Variants in FOXP1 observed in about 807,000 individuals in gnomAD.
FOXP1 encodes forkhead box P1.
In FOXP1, 15 loss-of-function variants were observed where a neutral mutation model predicts 98.2. The observed-to-expected ratio is 0.15, with a 90% confidence interval of 0.10 to 0.24. The LOEUF (loss-of-function observed/expected upper bound fraction) is 0.24. Among genes scored for constraint, FOXP1 ranks in the 10% least tolerant of loss-of-function variants. The probability of loss-of-function intolerance (pLI) is 1.00; values close to 1 mark genes in which losing one functional copy is unlikely to be tolerated. For synonymous variants in FOXP1, 371 were observed against 314.5 expected (o/e 1.18, Z -1.90); for missense variants, 633 against 848.5 (o/e 0.75, Z 3.15).
At chr3:70,992,847 C>CTCTCTTCTTT (rs1358200735) in intron 13 of FOXP1, among the ~76,000 whole-genome samples, 1 of 152,126 alleles carries the variant, frequency 6.6e-6, no homozygotes, top group African/African-American at 2.4e-5. Context: ...CAGAGACTCT[C>CTCTCTTCTTT]TCTCTTCTTT....
At chr3:71,190,823 G>A (rs1023656228) in intron 6 of FOXP1, among the ~76,000 whole-genome samples, 1 of 152,012 alleles carries the variant, frequency 6.6e-6, no homozygotes, top group Non-Finnish European at 1.5e-5. Context: ...AGATAATGTG[G>A]CTCTATTTTT....
chr3:71,397,025 CAT>C lies in FOXP1; in HGVS notation c.-167-37783_-167-37782del, dbSNP rs1553871547. On this transcript the variant is annotated intron_variant, in intron 3 of 20. Transcript: ENST00000649528. ...ATATATGTGTATATATATATATATA[CAT>C]ATATATGTGTATATATATATACACA... 1.2e-3 allele frequency among the ~76,000 whole-genome samples: 20 copies of C among 17,032 alleles called. 3 individuals carry two copies. Among genetic ancestry groups the C allele is most frequent in the South Asian group, 5.4e-3 (4 of 736 alleles). 11.2% of individuals were successfully genotyped at this position (17,032 alleles called of 152,430 possible). A position where few individuals can be genotyped will look rare whatever the true frequency, so the allele number is the denominator to read the frequency against.
chr3:71,337,587 A>G (rs1290601977), intron 4 of FOXP1, among the ~76,000 whole-genome samples: 2 of 152,232 alleles, frequency 1.3e-5, no homozygotes, highest in African/African-American at 4.8e-5. Flanking sequence ...AATATTGGCT[A>G]TTCTTTGAAG....
chr3:71,125,104 G>A (rs894749866), intron 6 of FOXP1, among the ~76,000 whole-genome samples: 2 of 152,178 alleles, frequency 1.3e-5, no homozygotes, highest in African/African-American at 2.4e-5. Flanking sequence ...ATTCACCCAT[G>A]CCTTGCCAAT....
chr3:71,280,961 C>T (rs1163350928), intron 5 of FOXP1, among the ~76,000 whole-genome samples: 3 of 146,546 alleles, frequency 2.0e-5, no homozygotes, highest in Non-Finnish European at 4.4e-5. Context: ...TGAAGATATA[C>T]GAAGCAGCCC....
intron 7 of FOXP1, among the ~76,000 whole-genome samples, chr3:71,065,147 T>A (rs1335542353): frequency 1.3e-5 from 2 of 150,922 alleles, no homozygotes. Flanking sequence ...CACCCTGCTT[T>A]TGTCTGGAGA....
At chr3:71,436,369 A>C (rs2085356422) in intron 3 of FOXP1, among the ~76,000 whole-genome samples, 1 of 152,142 alleles carries the variant, frequency 6.6e-6, no homozygotes, top group Admixed American at 6.6e-5. Context: ...TAGCATAGTT[A>C]CTGCATGGAA....
At position 71,065,091 on chromosome 3, in the gene FOXP1, G is replaced by A. The variant is rs1177616620; in HGVS notation, c.283-11318C>T. Among the ~76,000 whole-genome samples, 2 of 147,894 alleles carry A rather than the reference G, an allele frequency of 1.4e-5. 1 individual carries two copies. On this transcript the variant is annotated intron_variant, in intron 7 of 20. Coordinates refer to ENST00000649528, the MANE Select transcript of FOXP1 (RefSeq NM_001349338.3). ...TCCGCGGCCCGCGCCCCGCGCCCGC[G>A]CGCCCCGGCCCCCTCCGCGCGGCAG...
intron 3 of FOXP1, among the ~76,000 whole-genome samples, chr3:71,374,086 A>G (rs1235614601): frequency 6.6e-6 from 1 of 152,220 alleles, no homozygotes; most frequent in African/African-American, 2.4e-5. Context: ...CAATTAAGAA[A>G]AAATATTGAC....
chr3:71,344,140 C>A (rs764241661), intron 4 of FOXP1, among the ~76,000 whole-genome samples: 6 of 152,280 alleles, frequency 3.9e-5, no homozygotes, highest in South Asian at 4.1e-4. Flanking sequence ...GCATTGCATA[C>A]GCATATCAGT....
intron 3 of FOXP1, among the ~76,000 whole-genome samples, chr3:71,439,405 C>A (rs1004754398): frequency 6.6e-6 from 1 of 152,188 alleles, no homozygotes; most frequent in African/African-American, 2.4e-5. Flanking sequence ...CATTCTATTT[C>A]TTTCAGCTAA....
intron 3 of FOXP1, among the ~76,000 whole-genome samples, chr3:71,470,934 T>C (rs2089282580): frequency 2.6e-5 from 4 of 152,182 alleles, no homozygotes; most frequent in South Asian, 4.1e-4. Flanking sequence ...TTAACCTTCC[T>C]AAGCCTCAGC....
At chr3:71,558,305 G>C (rs1219995487) in intron 2 of FOXP1, among the ~76,000 whole-genome samples, 1 of 152,118 alleles carries the variant, frequency 6.6e-6, no homozygotes, top group African/African-American at 2.4e-5. Flanking sequence ...ATTAACCTCA[G>C]GGAAAGCTGG....
At chr3:71,240,565 C>T (rs556580748) in intron 5 of FOXP1, among the ~76,000 whole-genome samples, 38 of 150,468 alleles carry the variant, frequency 2.5e-4, no homozygotes, top group East Asian at 1.4e-3. Flanking sequence ...TTTTTTTAGA[C>T]GGAGTCTCGC....
intron 2 of FOXP1, among the ~76,000 whole-genome samples, chr3:71,580,194 T>C (rs1245796570): frequency 6.6e-6 from 1 of 151,826 alleles, no homozygotes; most frequent in Non-Finnish European, 1.5e-5. Context: ...AAAAGTGATT[T>C]TTTTTTTCTC....
chr3:71,490,456 C>T (rs1019704103), intron 3 of FOXP1, among the ~76,000 whole-genome samples: 2 of 151,786 alleles, frequency 1.3e-5, no homozygotes, highest in Non-Finnish European at 2.9e-5. Flanking sequence ...TGAGATTGTG[C>T]CATTGCATTC....
chr3:71,054,904 G>A (rs1312082701), intron 7 of FOXP1, among the ~76,000 whole-genome samples: 1 of 151,988 alleles, frequency 6.6e-6, no homozygotes, highest in Non-Finnish European at 1.5e-5. Flanking sequence ...TGTTAAAAAG[G>A]ATATGCTGTC....
chr3:71,436,895 C>T (rs535663411), intron 3 of FOXP1, among the ~76,000 whole-genome samples: 3 of 152,056 alleles, frequency 2.0e-5, no homozygotes, highest in East Asian at 1.9e-4. Context: ...GCCCCATGAC[C>T]GATCAAAGCA....
chr3:71,579,625 C>T (rs373540284), intron 2 of FOXP1, among the ~76,000 whole-genome samples: 54 of 104,248 alleles, frequency 5.2e-4, no homozygotes, highest in African/African-American at 6.8e-4. Flanking sequence ...TCTTTTTTTT[C>T]TTTTTTCTTT....
Sources: gnomAD v4.1 joint callset for allele counts (sites outside exome capture counted in the v4.1 genomes callset) on GRCh38, gnomAD v4.1.1 for gene constraint, MANE v1.5 for transcripts, NCBI Gene and HGNC (gene_info 2026-07-23, HGNC 2026-07-21) for gene names.